The following GRIP1 variants were observed in gnomAD, a reference collection of about 807,000 sequenced individuals.
GRIP1 encodes glutamate receptor interacting protein 1.
A neutral mutation model predicts 129.9 loss-of-function variants in GRIP1; 45 were observed. The ratio of observed to expected loss-of-function variants is 0.35; its 90% confidence interval spans 0.27 to 0.44. GRIP1 has a LOEUF of 0.44. Ranked by LOEUF, GRIP1 falls within the 20% of genes least tolerant of loss-of-function variation. GRIP1 has a pLI of 1.00. For synonymous variants in GRIP1, 530 were observed against 520.8 expected, an observed-to-expected ratio of 1.02 and a Z score of -0.24; for missense variants, 1,196 against 1,396.8, an observed-to-expected ratio of 0.86 and a Z score of 2.29.
intron 1 of GRIP1, among the ~76,000 whole-genome samples, chr12:67,017,640 A>T (rs529480305): frequency 6.6e-6 from 1 of 152,260 alleles, no homozygotes; most frequent in African/African-American, 2.4e-5. Context: ...TGTCTTGACC[A>T]AGAGAATGCA....
In GRIP1 at chr12:66,363,136, CATATACACACACATATATACATAT is replaced by C. The variant is rs1388525565; in HGVS notation, c.3012+8534_3012+8557del. Among the ~76,000 whole-genome samples, 29 of 143,798 alleles carry C rather than the reference CATATACACACACATATATACATAT, an allele frequency of 2.0e-4. 1 individual carries two copies. The highest frequency in any genetic ancestry group is 3.2e-4 in the Non-Finnish European group (21 of 66,442). The allele number at this position is 143,798 out of a possible 152,430, so 94.3% of individuals were successfully genotyped here. A position where few individuals can be genotyped will look rare whatever the true frequency, so the allele number is the denominator to read the frequency against. On this transcript the variant is annotated intron_variant, in intron 23 of 24. Coordinates refer to ENST00000359742, the MANE Select transcript of GRIP1 (RefSeq NM_001366722.1). ...AACTTTATATATATATACACACACA[CATATACACACACATATATACATAT>C]ATATACACACACATATATGTATATA...
chr12:66,826,356 A>G (rs939425223), intron 1 of GRIP1, among the ~76,000 whole-genome samples: 1 of 152,118 alleles, frequency 6.6e-6, no homozygotes, highest in Non-Finnish European at 1.5e-5. Flanking sequence ...AATGTAGATG[A>G]CGGGTTGATG....
At chr12:66,459,201 G>A (rs1278110945) in intron 9 of GRIP1, among the ~76,000 whole-genome samples, 1 of 152,116 alleles carries the variant, frequency 6.6e-6, no homozygotes, top group African/African-American at 2.4e-5. Context: ...ATGAATGAAC[G>A]GGAATATCAG....
At chr12:66,676,021 T>C (rs563070305) in intron 1 of GRIP1, among the ~76,000 whole-genome samples, 4 of 152,324 alleles carry the variant, frequency 2.6e-5, no homozygotes, top group East Asian at 1.9e-4. Flanking sequence ...TGTGGATCAG[T>C]GTCTATGTGG....
intron 1 of GRIP1, among the ~76,000 whole-genome samples, chr12:67,046,454 G>A (rs769755638): frequency 2.6e-5 from 4 of 152,160 alleles, no homozygotes; most frequent in Non-Finnish European, 5.9e-5. Context: ...ACACTGACAT[G>A]ACTGAATTTC....
chr12:66,629,029 A>G (rs2030432711), intron 1 of GRIP1, among the ~76,000 whole-genome samples: 1 of 152,212 alleles, frequency 6.6e-6, no homozygotes. Flanking sequence ...TGTTAAATCT[A>G]TTCTCTGAAA....
intron 1 of GRIP1, among the ~76,000 whole-genome samples, chr12:66,796,464 A>C (rs1038166677): frequency 3.3e-5 from 5 of 152,102 alleles, no homozygotes; most frequent in Non-Finnish European, 5.9e-5. Context: ...CAGATTATAC[A>C]ATGACTCCAT....
chr12:66,892,705 C>T (rs1465642730), intron 1 of GRIP1, among the ~76,000 whole-genome samples: 1 of 152,144 alleles, frequency 6.6e-6, no homozygotes, highest in Admixed American at 6.6e-5. Flanking sequence ...CTCACACGTG[C>T]AATCCCTGCA....
chr12:66,410,058 G>T (rs994079899), intron 15 of GRIP1, among the ~76,000 whole-genome samples: 1 of 150,268 alleles, frequency 6.7e-6, no homozygotes, highest in South Asian at 2.1e-4. Context: ...AGACCATCCC[G>T]GCTAAAACGG....
intron 1 of GRIP1, among the ~76,000 whole-genome samples, chr12:66,970,545 T>C (rs1302902760): frequency 7.7e-6 from 1 of 129,728 alleles, no homozygotes; most frequent in Admixed American, 7.4e-5. Context: ...AGTGTCTTTT[T>C]TTTTTTTTTT....
intron 1 of GRIP1, among the ~76,000 whole-genome samples, chr12:66,625,430 A>G (rs1268342686): frequency 2.6e-5 from 4 of 152,212 alleles, no homozygotes; most frequent in South Asian, 4.1e-4. Flanking sequence ...CTGAGAATTT[A>G]CAGTGCTTTA....
chr12:66,980,558 C>T (rs972435936), intron 1 of GRIP1, among the ~76,000 whole-genome samples: 8 of 152,172 alleles, frequency 5.3e-5, no homozygotes, highest in African/African-American at 1.7e-4. Flanking sequence ...TTGCAGTGAG[C>T]CAAGGTCACA....
chr12:66,743,529 A>C (rs1276272339), intron 1 of GRIP1, among the ~76,000 whole-genome samples: 1 of 152,158 alleles, frequency 6.6e-6, no homozygotes, highest in East Asian at 1.9e-4. Context: ...GCCAGAATAA[A>C]TAGTGATCAT....
At chr12:66,690,678 C>A (rs2034951160) in intron 1 of GRIP1, among the ~76,000 whole-genome samples, 1 of 150,578 alleles carries the variant, frequency 6.6e-6, no homozygotes, top group Non-Finnish European at 1.5e-5. Context: ...CCAGCCTAAG[C>A]AACATAGCGA....
chr12:66,400,953 T>C (rs965611811), intron 16 of GRIP1, among the ~76,000 whole-genome samples: 3 of 152,188 alleles, frequency 2.0e-5, no homozygotes, highest in Admixed American at 6.5e-5. Flanking sequence ...AAGAGGATTA[T>C]TTGCATTGCT....
intron 2 of GRIP1, among the ~76,000 whole-genome samples, chr12:66,574,361 C>T (rs1442610788): frequency 6.6e-6 from 1 of 152,278 alleles, no homozygotes; most frequent in Non-Finnish European, 1.5e-5. Flanking sequence ...CACTCCTCTG[C>T]ACTCTCCTTC....
chr12:66,959,160 C>G (rs1175733876), intron 1 of GRIP1, among the ~76,000 whole-genome samples: 1 of 152,106 alleles, frequency 6.6e-6, no homozygotes, highest in Non-Finnish European at 1.5e-5. Flanking sequence ...GAAATTAACT[C>G]TTTGCCTGTT....
chr12:67,050,164 T>C (rs1383302063), intron 1 of GRIP1, among the ~76,000 whole-genome samples: 1 of 151,998 alleles, frequency 6.6e-6, no homozygotes, highest in Non-Finnish European at 1.5e-5. Context: ...AAGTTTACTA[T>C]TTGCCTTTTA....
In GRIP1 at chr12:66,377,003, T is replaced by TAA. The variant is rs2055815898; in HGVS notation, c.2778+12_2778+13dup. 6.3e-7 allele frequency: 1 copy of TAA among 1,595,430 alleles called. No homozygotes were observed. The highest frequency in any genetic ancestry group is 1.3e-5 in the African/African-American group (1 of 74,608). ...AGCTTCACAAGCAAAAATATAAACA[T>TAA]AAAGGGTAGCTACCAAGAGAGTCAT... On this transcript the variant is annotated intron_variant, in intron 22 of 24. Transcript: ENST00000359742.
Sources: gnomAD v4.1 joint callset for allele counts (sites outside exome capture counted in the v4.1 genomes callset) on GRCh38, gnomAD v4.1.1 for gene constraint, MANE v1.5 for transcripts, NCBI Gene and HGNC (gene_info 2026-07-23, HGNC 2026-07-21) for gene names.